Variants in MYO5A observed in about 807,000 individuals in gnomAD.
MYO5A encodes the protein myosin VA.
Under a neutral mutation model 249.7 loss-of-function variants are expected in MYO5A, and 98 were observed. The observed-to-expected ratio is 0.39, with a 90% CI of 0.33 to 0.46. The LOEUF (loss-of-function observed/expected upper bound fraction) is 0.46. MYO5A is among the 20% of genes least tolerant of loss of function. MYO5A has a pLI of 0.98. For missense variants in MYO5A, 1,696 were observed against 2,308.8 expected (o/e 0.73, Z 5.44); for synonymous variants, 778 against 810.6 (o/e 0.96, Z 0.68).
chr15:52,352,480 T>C lies in MYO5A; in HGVS notation c.3622-999A>G, dbSNP rs536953284. 1.4e-3 allele frequency among the ~76,000 whole-genome samples: 208 copies of C among 152,232 alleles called. 1 individual carries two copies. The highest frequency in any genetic ancestry group is 2.6e-3 in the Non-Finnish European group (176 of 68,040). ...TAGCACTATATCAGTCCTTTCAATG[T>C]GTTATATTAAAACTATTTAGGCTGG... On this transcript the variant is annotated intron_variant, in intron 27 of 41. Transcript: ENST00000399233.
At chr15:52,400,028 T>C (rs912887288) in intron 9 of MYO5A, among the ~76,000 whole-genome samples, 4 of 152,194 alleles carry the variant, frequency 2.6e-5, no homozygotes, top group Non-Finnish European at 4.4e-5. Flanking sequence ...TATATCTGAA[T>C]TTTTTTAACC....
chr15:52,360,067 A>G lies in MYO5A; in HGVS notation c.3324T>C (p.Pro1108=). The G allele has an allele frequency of 1.2e-6, 2 of 1,612,572 alleles. No individual in the cohort carries two copies. Among genetic ancestry groups the G allele is most frequent in the Non-Finnish European group, 1.7e-6 (2 of 1,178,808 alleles). The change falls in exon 25 of 42, where the codon CCT becomes CCC. Residue 1108 remains proline (P), a synonymous_variant. Coordinates refer to ENST00000399233, the MANE Select transcript of MYO5A (RefSeq NM_001382347.1). ...EMTLMVHVPK[P]GHKRTDSTHS... ...GGGTGGAGTCTGTTCTCTTGTGTCC[A>G]GGCTTAGGCACATGCTGCAAGGCAA...
intron 1 of MYO5A, among the ~76,000 whole-genome samples, chr15:52,469,833 C>A (rs2076423347): frequency 6.6e-6 from 1 of 152,190 alleles, no homozygotes; most frequent in South Asian, 2.1e-4. Flanking sequence ...CAGTCCGGCA[C>A]TGGTTCAGAT....
chr15:52,349,039 C>T (rs2141013460), intron 28 of MYO5A, among the ~76,000 whole-genome samples: 1 of 152,264 alleles, frequency 6.6e-6, no homozygotes, highest in East Asian at 1.9e-4. Flanking sequence ...ATGTTGACAA[C>T]TTCTATTTCC....
rs956615669 is a variant in MYO5A at position 52,445,683 on chromosome 15, C to A, written c.28-12398G>T. Among the ~76,000 whole-genome samples, 5 of 152,194 alleles carry A rather than the reference C, an allele frequency of 3.3e-5. No individual in the cohort carries two copies. The South Asian group carries it at 8.3e-4, about 25-fold the overall frequency. ...AGTGATCCAGACAGTGAAGGCCAGG[C>A]TGAGAAGGTCTCAGACGGAAATGTG... On this transcript the variant is annotated intron_variant, in intron 1 of 41. Coordinates refer to ENST00000399233, the MANE Select transcript of MYO5A (RefSeq NM_001382347.1).
At chr15:52,459,497 G>C (rs1171565177) in intron 1 of MYO5A, among the ~76,000 whole-genome samples, 1 of 152,180 alleles carries the variant, frequency 6.6e-6, no homozygotes, top group African/African-American at 2.4e-5. Context: ...TAAGGTTATA[G>C]ATTAACAGCA....
chr15:52,428,389 C>T lies in MYO5A; in HGVS notation c.310+9G>A, dbSNP rs748505723. The T allele has an allele frequency of 2.5e-6, 4 of 1,612,026 alleles. No homozygotes were observed. In the African/African-American group the frequency reaches 5.3e-5, roughly 22 times the overall value. On this transcript the variant is annotated intron_variant, in intron 3 of 41. Coordinates refer to ENST00000399233, the MANE Select transcript of MYO5A (RefSeq NM_001382347.1). Reference sequence around the variant, plus strand: ...TCCACAGTCTATTCGGAAAGCAAAGCATACTTACCACAATACGTATAAATA... The same window carrying T: ...TCCACAGTCTATTCGGAAAGCAAAGTATACTTACCACAATACGTATAAATA...
intron 1 of MYO5A, among the ~76,000 whole-genome samples, chr15:52,518,433 C>T (rs2077541119): frequency 6.6e-6 from 1 of 152,184 alleles, no homozygotes; most frequent in African/African-American, 2.4e-5. Context: ...AAGAAATACA[C>T]ATTCCGACTT....
intron 29 of MYO5A, among the ~76,000 whole-genome samples, chr15:52,347,237 G>C (rs1471901561): frequency 6.6e-6 from 1 of 152,106 alleles, no homozygotes; most frequent in Non-Finnish European, 1.5e-5. Context: ...ACAAGAGTAA[G>C]AGATAAGAAT....
chr15:52,351,480 C>T lies in MYO5A; in HGVS notation c.3623G>A (p.Arg1208His), dbSNP rs778992454. The change falls in exon 28 of 42, where the codon CGT becomes CAT. Residue 1208 changes from arginine to histidine, a missense_variant and splice_region_variant. Transcript: ENST00000399233. The stretch of plus-strand genomic sequence containing the variant: ...TTTGTTTTCTGATTCTAGTTCTTGA[C>T]GCTGTATGAAAAGACAAAGAAAAGT... ...GAELEYESLKRQELESENKKL... is the reference protein window; with the variant it reads ...GAELEYESLKHQELESENKKL... 20 of 1,613,624 alleles carry T rather than the reference C, an allele frequency of 1.2e-5. No individual in the cohort carries two copies. The highest frequency in any genetic ancestry group is 9.3e-5 in the African/African-American group (7 of 74,888).
intron 1 of MYO5A, among the ~76,000 whole-genome samples, chr15:52,485,983 C>A (rs1447600235): frequency 1.3e-5 from 2 of 152,194 alleles, no homozygotes; most frequent in Non-Finnish European, 2.9e-5. Flanking sequence ...CGTAAACAAG[C>A]AGTCATGAGG....
intron 1 of MYO5A, among the ~76,000 whole-genome samples, chr15:52,502,453 G>T (rs2077179423): frequency 6.6e-6 from 1 of 152,130 alleles, no homozygotes; most frequent in Non-Finnish European, 1.5e-5. Flanking sequence ...TTGTACATAA[G>T]ATCTAAATAT....
In MYO5A at chr15:52,330,560, C is replaced by T. The variant is rs2305419; in HGVS notation, c.4409-61G>A. 5 of 1,588,144 alleles carry T rather than the reference C, an allele frequency of 3.1e-6. No homozygotes were observed. The East Asian group carries it at 1.1e-4, about 36-fold the overall frequency. ...TCCATATAAAAAACATGAGAGGTCT[C>T]CAAGTTCCTATAATTTTGAATGCAT... On this transcript the variant is annotated intron_variant, in intron 34 of 41. Transcript: ENST00000399233.
At chr15:52,408,972 C>T (rs2141230057) in intron 6 of MYO5A, among the ~76,000 whole-genome samples, 1 of 152,268 alleles carries the variant, frequency 6.6e-6, no homozygotes, top group African/African-American at 2.4e-5. Context: ...GTTCAGCACA[C>T]AGAAACTAGA....
intron 5 of MYO5A, 72 bp from the exon 6 acceptor site, chr15:52,410,548 A>T (rs368682873): frequency 1.4e-6 from 2 of 1,428,228 alleles, no homozygotes. Context: ...ATCTGCTCAG[A>T]GAGAGAAAAG....
intron 1 of MYO5A, among the ~76,000 whole-genome samples, chr15:52,456,022 C>G (rs2076110889): frequency 6.6e-6 from 1 of 152,012 alleles, no homozygotes; most frequent in Non-Finnish European, 1.5e-5. Flanking sequence ...GTCAAATTAC[C>G]CTTGCTCGCA....
At chr15:52,468,334 T>A (rs1294726318) in intron 1 of MYO5A, among the ~76,000 whole-genome samples, 4 of 152,080 alleles carry the variant, frequency 2.6e-5, no homozygotes, top group African/African-American at 9.7e-5. Flanking sequence ...ATGTGCAGTC[T>A]CACTAATAAT....
At position 52,351,591 on chromosome 15, in the gene MYO5A, G is replaced by A. The variant is rs531023840; in HGVS notation, c.3622-110C>T. The stretch of plus-strand genomic sequence containing the variant: ...AATTCTGCTGAAAAAGTTCATCAGA[G>A]TTACCCTAGTGAATGGCTTCCTAGG... On this transcript the variant is annotated intron_variant, in intron 27 of 41. Transcript: ENST00000399233. 12 of 1,076,196 alleles carry A rather than the reference G, an allele frequency of 1.1e-5. No individual in the cohort carries two copies. In the African/African-American group the frequency reaches 1.7e-4, roughly 15 times the overall value. The allele number at this position is 1,076,196 out of a possible 1,614,324, so 66.7% of individuals were successfully genotyped here.
chr15:52,339,724 G>A (rs556614096), intron 32 of MYO5A, among the ~76,000 whole-genome samples: 1 of 152,036 alleles, frequency 6.6e-6, no homozygotes, highest in African/African-American at 2.4e-5. Flanking sequence ...CAAAAACCCC[G>A]GCTTAGTTTT....
Sources: gnomAD v4.1 joint callset for allele counts (sites outside exome capture counted in the v4.1 genomes callset) on GRCh38, gnomAD v4.1.1 for gene constraint, MANE v1.5 for transcripts, NCBI Gene and HGNC (gene_info 2026-07-23, HGNC 2026-07-21) for gene names.